Variants in STX8 observed in about 807,000 individuals in gnomAD.
The protein encoded by STX8 is syntaxin-8.
In STX8, 23 loss-of-function variants were observed where a neutral mutation model predicts 37.5. That is an observed-to-expected ratio of 0.61 (90% CI 0.44 to 0.87). The LOEUF (loss-of-function observed/expected upper bound fraction) is 0.87, where lower values mean the gene tolerates loss of function less well. Ranked by LOEUF, STX8 falls within the 40% of genes least tolerant of loss-of-function variation. STX8 has a pLI of 0.00. For missense variants in STX8, 313 were observed against 284.7 expected (o/e 1.10, Z -0.71); for synonymous variants, 115 against 99.1 (o/e 1.16, Z -0.95).
At chr17:9,388,812 G>GAAAAAAAAAAAAAA (rs79059878) in intron 6 of STX8, among the ~76,000 whole-genome samples, 1 of 108,026 alleles carries the variant, frequency 9.3e-6, no homozygotes. Context: ...TCAAAAAAAA[G>GAAAAAAAAAAAAAA]AAAAAAAAAA....
chr17:9,278,562 C>A (rs1330422908), intron 7 of STX8, among the ~76,000 whole-genome samples: 1 of 152,100 alleles, frequency 6.6e-6, no homozygotes, highest in Admixed American at 6.5e-5. Context: ...CCTTGAATAA[C>A]TGGGTCAATG....
intron 7 of STX8, among the ~76,000 whole-genome samples, chr17:9,252,701 T>TA (rs566597305): frequency 0.014 from 2,128 of 152,008 alleles, 22 homozygotes; most frequent in Middle Eastern, 0.021. Context: ...ATTTTTCTGA[T>TA]ATGGGCTCTT....
At chr17:9,425,332 C>A (rs1295558294) in intron 6 of STX8, among the ~76,000 whole-genome samples, 8 of 152,184 alleles carry the variant, frequency 5.3e-5, no homozygotes, top group African/African-American at 1.9e-4. Flanking sequence ...ACTTATCACA[C>A]ATGCTCCTGT....
At chr17:9,463,185 G>C (rs555211776) in intron 6 of STX8, among the ~76,000 whole-genome samples, 1 of 152,284 alleles carries the variant, frequency 6.6e-6, no homozygotes, top group South Asian at 2.1e-4. Flanking sequence ...TACGTGATTT[G>C]AGGCTGGTAT....
At chr17:9,292,689 TCA>T (rs1349267576) in intron 7 of STX8, among the ~76,000 whole-genome samples, 41 of 152,182 alleles carry the variant, frequency 2.7e-4, no homozygotes, top group African/African-American at 9.7e-4. Context: ...GCAGCACAGC[TCA>T]CAGTCCTGGC....
chr17:9,422,652 A>G (rs1913483149), intron 6 of STX8, among the ~76,000 whole-genome samples: 1 of 152,262 alleles, frequency 6.6e-6, no homozygotes, highest in African/African-American at 2.4e-5. Context: ...GCTGAATAAC[A>G]TTCCATTGTA....
At chr17:9,542,723 G>T (rs1906335508) in intron 4 of STX8, among the ~76,000 whole-genome samples, 2 of 151,998 alleles carry the variant, frequency 1.3e-5, no homozygotes, top group African/African-American at 4.8e-5. Context: ...AGGAATAAAT[G>T]ATACAAAGCA....
At chr17:9,334,120 T>A (rs1198515754) in intron 7 of STX8, among the ~76,000 whole-genome samples, 3 of 127,068 alleles carry the variant, frequency 2.4e-5, no homozygotes, top group African/African-American at 9.3e-5. Flanking sequence ...CTTCTTGCAC[T>A]GAGTCAGTTC....
intron 6 of STX8, among the ~76,000 whole-genome samples, chr17:9,462,742 T>C (rs1213464465): frequency 1.3e-5 from 2 of 152,006 alleles, no homozygotes; most frequent in African/African-American, 4.8e-5. Flanking sequence ...ATAATTTCCA[T>C]CAGGAAAAAA....
intron 7 of STX8, among the ~76,000 whole-genome samples, chr17:9,317,906 G>A (rs1242975741): frequency 6.6e-6 from 1 of 152,222 alleles, no homozygotes; most frequent in Non-Finnish European, 1.5e-5. Flanking sequence ...CCATGTCAGG[G>A]TTGGGGCAGG....
At chr17:9,301,749 A>G (rs566325357) in intron 7 of STX8, among the ~76,000 whole-genome samples, 1 of 151,458 alleles carries the variant, frequency 6.6e-6, no homozygotes, top group South Asian at 2.1e-4. Context: ...TCGGCCTCCC[A>G]AAGTGTTGGG....
At chr17:9,521,662 T>C (rs1014587145) in intron 4 of STX8, among the ~76,000 whole-genome samples, 16 of 152,160 alleles carry the variant, frequency 1.1e-4, no homozygotes, top group Non-Finnish European at 2.1e-4. Context: ...GACTTGTAAG[T>C]GAACAAGAGA....
chr17:9,376,547 A>C (rs1911593342), intron 7 of STX8, among the ~76,000 whole-genome samples: 2 of 152,252 alleles, frequency 1.3e-5, no homozygotes. Context: ...CACCTGAGGC[A>C]GCAACCCTGA....
intron 6 of STX8, among the ~76,000 whole-genome samples, chr17:9,410,646 G>A (rs1050888791): frequency 2.0e-5 from 3 of 152,248 alleles, no homozygotes; most frequent in Non-Finnish European, 4.4e-5. Flanking sequence ...ATCGGAATGG[G>A]TTTTCCAAAT....
intron 7 of STX8, among the ~76,000 whole-genome samples, chr17:9,367,419 G>A (rs1346586341): frequency 1.3e-5 from 2 of 152,070 alleles, no homozygotes; most frequent in Admixed American, 6.5e-5. Context: ...CTGTCCTCTG[G>A]CCCTGCAGCT....
chr17:9,350,518 G>GC (rs563657097), intron 7 of STX8, among the ~76,000 whole-genome samples: 1 of 145,422 alleles, frequency 6.9e-6, no homozygotes, highest in African/African-American at 2.5e-5. Context: ...ACACTAAAGT[G>GC]TTTTTTTTTT....
At chr17:9,283,146 T>C (rs1236453024) in intron 7 of STX8, 1 of 152,128 alleles carries the variant, frequency 6.6e-6, no homozygotes, top group Non-Finnish European at 1.5e-5. Flanking sequence ...CTGGTCCAAA[T>C]AATATCTTTA....
At chr17:9,339,040 C>T (rs1386113813) in intron 7 of STX8, among the ~76,000 whole-genome samples, 1 of 143,084 alleles carries the variant, frequency 7.0e-6, no homozygotes, top group Non-Finnish European at 1.5e-5. Flanking sequence ...CACTGCACTC[C>T]AGCCTGGTTG....
chr17:9,327,265 G>GA (rs1567785001), intron 7 of STX8, among the ~76,000 whole-genome samples: 18 of 150,456 alleles, frequency 1.2e-4, no homozygotes, highest in African/African-American at 3.7e-4. Flanking sequence ...GAAGGAGGAG[G>GA]AGGAAGGAGG....
Sources: gnomAD v4.1 joint callset for allele counts (sites outside exome capture counted in the v4.1 genomes callset) on GRCh38, gnomAD v4.1.1 for gene constraint, MANE v1.5 for transcripts, NCBI Gene and HGNC (gene_info 2026-07-23, HGNC 2026-07-21) for gene names.